MAPK8IP1: variants seen among roughly 807,000 people sequenced by gnomAD.
The protein encoded by MAPK8IP1 is C-Jun-amino-terminal kinase-interacting protein 1.
In MAPK8IP1, 17 loss-of-function variants were observed where a neutral mutation model predicts 72.6. The observed-to-expected ratio is 0.23, with a 90% CI of 0.16 to 0.35. The LOEUF is 0.35. MAPK8IP1 is among the 10% of genes least tolerant of loss of function. The probability of loss-of-function intolerance (pLI) is 1.00; values close to 1 mark genes in which losing one functional copy is unlikely to be tolerated. For missense variants in MAPK8IP1, 789 were observed against 1,009.7 expected, an observed-to-expected ratio of 0.78 and a Z score of 2.96; for synonymous variants, 401 against 443.4, an observed-to-expected ratio of 0.90 and a Z score of 1.20.
chr11:45,895,413 A>G (rs1172588826), intron 1 of MAPK8IP1, among the ~76,000 whole-genome samples: 1 of 152,136 alleles, frequency 6.6e-6, no homozygotes, highest in East Asian at 1.9e-4. Flanking sequence ...TGAGGTCAGG[A>G]GTTCAAGACT....
Position 45,901,962 on chromosome 11 carries a change from C to T in MAPK8IP1, c.523-18C>T. On this transcript the variant is annotated intron_variant, in intron 3 of 11. Coordinates refer to ENST00000241014, the MANE Select transcript of MAPK8IP1 (RefSeq NM_005456.4). ...TGTTGACCACTTCCATCACAAGAGCCTTTTGTTCCCTGCACAGGACACACT... is the reference window on the plus strand; with the variant it reads ...TGTTGACCACTTCCATCACAAGAGCTTTTTGTTCCCTGCACAGGACACACT... 1 of 1,606,344 alleles carries T rather than the reference C, an allele frequency of 6.2e-7. No individual in the cohort carries two copies. The highest frequency in any genetic ancestry group is 1.1e-5 in the South Asian group (1 of 90,912).
chr11:45,903,222 C>T lies in MAPK8IP1; in HGVS notation c.1417+38C>T, dbSNP rs1205336764. ...GGGGAAGCAGTGGGGTGGGGGGGTC[C>T]CTAGCGGGGGCAGAGCCAAAATGCG... On this transcript the variant is annotated intron_variant, in intron 5 of 11. Transcript: ENST00000241014. The surrounding 1 kb of genome is among the most constrained non-coding windows in gnomAD (Gnocchi z 6.4). The T allele has an allele frequency of 6.3e-7, 1 of 1,590,752 alleles. No homozygotes were observed. Among genetic ancestry groups the T allele is most frequent in the Non-Finnish European group, 8.6e-7 (1 of 1,168,858 alleles).
chr11:45,904,741 C>T lies in MAPK8IP1; in HGVS notation c.1800C>T (p.Thr600=), dbSNP rs775106632. The T allele has an allele frequency of 1.5e-5, 24 of 1,613,954 alleles. No homozygotes were observed. Among genetic ancestry groups the T allele is most frequent in the South Asian group, 1.1e-4 (10 of 91,088 alleles). Residue 600 remains threonine, a synonymous_variant, in exon 9 of 12, where the codon ACC becomes ACT. Coordinates refer to ENST00000241014, the MANE Select transcript of MAPK8IP1 (RefSeq NM_005456.4). This position sits in a 1 kb window ranked among gnomAD's most constrained non-coding sequence, Gnocchi z 6.4. ...MQKIATTRRL[T]VHFNPPSSCV... is the part of the protein sequence containing the mutation. ...AGATTGCCACCACCCGCCGGCTCAC[C>T]GTGCACTTTAACCCGCCCTCCAGCT...
chr11:45,904,087 T>G lies in MAPK8IP1; in HGVS notation c.1592T>G (p.Met531Arg). 1 of 1,614,098 alleles carries G rather than the reference T, an allele frequency of 6.2e-7. No individual in the cohort carries two copies. The highest frequency in any genetic ancestry group is 8.5e-7 in the Non-Finnish European group (1 of 1,180,020). Residue 531 changes from methionine to arginine, a missense_variant, in exon 7 of 12, where the codon ATG becomes AGG. Coordinates refer to ENST00000241014, the MANE Select transcript of MAPK8IP1 (RefSeq NM_005456.4). The surrounding 1 kb of genome is among the most constrained non-coding windows in gnomAD (Gnocchi z 6.4). ...GACTACTGGTACGAGGCCTACAACA[T>G]GCGCACTGGTGCCCGGGGTGTCTTT... Reference protein sequence around the residue: ...AEDYWYEAYNMRTGARGVFPA... With the variant: ...AEDYWYEAYNRRTGARGVFPA...
rs367722310 is a variant in MAPK8IP1, at chr11:45,903,949, C to A, written c.1494-40C>A. 9.4e-5 allele frequency: 150 copies of A among 1,603,540 alleles called. No homozygotes were observed. The Admixed American group carries it at 1.3e-3, about 14-fold the overall frequency. ...CCCAGAGTAGGCCTGGCTGGACAGG[C>A]CTTGGTGCCGAATTTCTCACCTGTC... On this transcript the variant is annotated intron_variant, in intron 6 of 11. Transcript: ENST00000241014. The surrounding 1 kb of genome is among the most constrained non-coding windows in gnomAD (Gnocchi z 6.4).
Position 45,900,312 on chromosome 11 carries a change from A to C in MAPK8IP1, c.382A>C (p.Lys128Gln). 1 of 1,401,522 alleles carries C rather than the reference A, an allele frequency of 7.1e-7. No individual in the cohort carries two copies. The highest frequency in any genetic ancestry group is 9.2e-7 in the Non-Finnish European group (1 of 1,085,614). 86.8% of individuals were successfully genotyped at this position (1,401,522 alleles called of 1,614,324 possible). A position where few individuals can be genotyped will look rare whatever the true frequency, so the allele number is the denominator to read the frequency against. ...AARRPGAGPPKAESGQEPASR... is the reference protein window; with the variant it reads ...AARRPGAGPPQAESGQEPASR... ...CCGGCGGCCGGGAGCGGGGCCGCCC[A>C]AGGCCGAGTCCGGCCAGGAGCCGGC... Residue 128 changes from lysine (K) to glutamine (Q), a missense_variant, in exon 3 of 12, where the codon AAG (lysine) becomes CAG (glutamine). Lys to Gln is a moderately conservative substitution (Grantham distance 53). This residue lies in a region of MAPK8IP1 where 112 missense variants were observed against 192.8 expected (regional missense o/e 0.58). Transcript: ENST00000241014. The surrounding 1 kb of genome is among the most constrained non-coding windows in gnomAD (Gnocchi z 6.5).
At chr11:45,895,652 A>G (rs1365514375) in intron 1 of MAPK8IP1, among the ~76,000 whole-genome samples, 1 of 137,838 alleles carries the variant, frequency 7.3e-6, no homozygotes, top group Non-Finnish European at 1.6e-5. Flanking sequence ...ATATATATAT[A>G]TATATATATG....
At chr11:45,901,606 C>T (rs544167402) in intron 3 of MAPK8IP1, among the ~76,000 whole-genome samples, 4 of 152,176 alleles carry the variant, frequency 2.6e-5, no homozygotes, top group Non-Finnish European at 4.4e-5. Flanking sequence ...AAGTAACCCT[C>T]AGTACCTGGG....
chr11:45,904,939 C>CA lies in MAPK8IP1; in HGVS notation c.1894-32_1894-31insA, dbSNP rs764294372. ...GTCACCCTCACTGCAGGCCAGGTGA[C>CA]CGCCCTCTTGCTTCTTTTCTCCCTC... On this transcript the variant is annotated intron_variant, in intron 9 of 11. Coordinates refer to ENST00000241014, the MANE Select transcript of MAPK8IP1 (RefSeq NM_005456.4). The surrounding 1 kb of genome is among the most constrained non-coding windows in gnomAD (Gnocchi z 6.4). 4 of 1,609,954 alleles carry CA rather than the reference C, an allele frequency of 2.5e-6. No individual in the cohort carries two copies. Among genetic ancestry groups the CA allele is most frequent in the Admixed American group, 1.7e-5 (1 of 59,994 alleles).
chr11:45,892,036 C>A (rs1010325944), intron 1 of MAPK8IP1, among the ~76,000 whole-genome samples: 4 of 152,180 alleles, frequency 2.6e-5, no homozygotes, highest in African/African-American at 9.7e-5. Context: ...ATGTTATAAC[C>A]GCAAGTGGGG....
chr11:45,902,171 C>A lies in MAPK8IP1; in HGVS notation c.604+110C>A. 1 of 1,092,448 alleles carries A rather than the reference C, an allele frequency of 9.2e-7. No homozygotes were observed. Among genetic ancestry groups the A allele is most frequent in the Non-Finnish European group, 1.4e-6 (1 of 705,222 alleles). 67.7% of individuals were successfully genotyped at this position (1,092,448 alleles called of 1,614,324 possible). A position where few individuals can be genotyped will look rare whatever the true frequency, so the allele number is the denominator to read the frequency against. On this transcript the variant is annotated intron_variant, in intron 4 of 11. Transcript: ENST00000241014. The surrounding 1 kb of genome is among the most constrained non-coding windows in gnomAD (Gnocchi z 9.3). ...AAGGGCTGAGTAGAGGTGAACTGCC[C>A]ACCCACATCCCTGCACGAGCCCATC...
rs1256044597 is a variant in MAPK8IP1 at position 45,895,619 on chromosome 11, CAA to C, written c.102-2452_102-2451del. ...TGGGTGACAGAGCGAAAGGCCGTCT[CAA>C]AAAAAAAAAAAAATATATATATATA... On this transcript the variant is annotated intron_variant, in intron 1 of 11. Coordinates refer to ENST00000241014, the MANE Select transcript of MAPK8IP1 (RefSeq NM_005456.4). Among the ~76,000 whole-genome samples, 245 of 31,210 alleles carry C rather than the reference CAA, an allele frequency of 7.9e-3. 3 individuals carry two copies. The highest frequency in any genetic ancestry group is 0.056 in the Middle Eastern group (3 of 54). The allele number at this position is 31,210 out of a possible 152,430, so 20.5% of individuals were successfully genotyped here.
chr11:45,903,781 C>T lies in MAPK8IP1; in HGVS notation c.1494-208C>T, dbSNP rs953983772. Among the ~76,000 whole-genome samples the T allele has an allele frequency of 6.6e-6, 1 of 152,198 alleles. No individual in the cohort carries two copies. Among genetic ancestry groups the T allele is most frequent in the Non-Finnish European group, 1.5e-5 (1 of 68,028 alleles). The stretch of plus-strand genomic sequence containing the variant: ...TCCATTTTAGAGGGGGCCCTGCCCA[C>T]ACCCTCCCTTGGCCTGTGTTTCCTC... On this transcript the variant is annotated intron_variant, in intron 6 of 11. Transcript: ENST00000241014. The surrounding 1 kb of genome is among the most constrained non-coding windows in gnomAD (Gnocchi z 6.4).
chr11:45,904,691 T>C lies in MAPK8IP1; in HGVS notation c.1777-27T>C. 3 of 1,611,242 alleles carry C rather than the reference T, an allele frequency of 1.9e-6. No homozygotes were observed. Among genetic ancestry groups the C allele is most frequent in the Non-Finnish European group, 2.5e-6 (3 of 1,177,814 alleles). Reference sequence around the variant, plus strand: ...GATCAGCAGAGGAACAGACAGCAGCTGACGTGGCTCCATTTGTCACCTGTA... The same window carrying C: ...GATCAGCAGAGGAACAGACAGCAGCCGACGTGGCTCCATTTGTCACCTGTA... On this transcript the variant is annotated intron_variant, in intron 8 of 11. Coordinates refer to ENST00000241014, the MANE Select transcript of MAPK8IP1 (RefSeq NM_005456.4). The surrounding 1 kb of genome is among the most constrained non-coding windows in gnomAD (Gnocchi z 6.4).
chr11:45,905,552 T>A, intron 11 of MAPK8IP1, 97 bp from the exon 12 acceptor site: 1 of 1,101,252 alleles, frequency 9.1e-7, no homozygotes, highest in Non-Finnish European at 1.4e-6. Context: ...GAGCTGCACT[T>A]GGGCCCCAAG....
At chr11:45,888,819 CT>C (rs973519543) in intron 1 of MAPK8IP1, among the ~76,000 whole-genome samples, 2 of 152,176 alleles carry the variant, frequency 1.3e-5, no homozygotes, top group African/African-American at 4.8e-5. Flanking sequence ...CCTGCCTCAG[CT>C]TCCCAAGTAG....
chr11:45,894,548 A>G (rs1365642246), intron 1 of MAPK8IP1, among the ~76,000 whole-genome samples: 1 of 152,178 alleles, frequency 6.6e-6, no homozygotes, highest in East Asian at 1.9e-4. Flanking sequence ...GGAAGTGGGA[A>G]TATCAGGTGA....
In MAPK8IP1 at chr11:45,905,856, C is replaced by T. The variant is rs889187118; in HGVS notation, c.*135C>T. 5.9e-6 allele frequency: 5 copies of T among 844,630 alleles called. No homozygotes were observed. Among genetic ancestry groups the T allele is most frequent in the African/African-American group, 5.0e-5 (3 of 60,446 alleles). 52.3% of individuals were successfully genotyped at this position (844,630 alleles called of 1,614,324 possible). ...GACAAGGAAGTGGGGGCCGCTGGCCCAGGGTAGGGGAGGGTGGGGCAATGG... is the reference window on the plus strand; with the variant it reads ...GACAAGGAAGTGGGGGCCGCTGGCCTAGGGTAGGGGAGGGTGGGGCAATGG... On this transcript the variant is annotated 3_prime_UTR_variant, in exon 12 of 12. Coordinates refer to ENST00000241014, the MANE Select transcript of MAPK8IP1 (RefSeq NM_005456.4).
intron 1 of MAPK8IP1, among the ~76,000 whole-genome samples, chr11:45,895,197 G>A (rs1200015684): frequency 2.0e-5 from 3 of 152,202 alleles, no homozygotes; most frequent in African/African-American, 7.2e-5. Context: ...AGTGGCAGGT[G>A]GAGTGGGATG....
Sources: gnomAD v4.1 joint callset for allele counts (sites outside exome capture counted in the v4.1 genomes callset) on GRCh38, gnomAD v4.1.1 for gene constraint, gnomAD v4.1.1 regional missense constraint, Gnocchi (gnomAD v3.1) non-coding constraint, MANE v1.5 for transcripts, NCBI Gene and HGNC (gene_info 2026-07-23, HGNC 2026-07-21) for gene names.